Variants in TENM4 observed in about 807,000 individuals in gnomAD.
The protein encoded by TENM4 is teneurin-4.
A neutral mutation model predicts 243.3 loss-of-function variants in TENM4; 82 were observed. The ratio of observed to expected loss-of-function variants is 0.34; its 90% confidence interval spans 0.28 to 0.40. The LOEUF is 0.40. Ranked by LOEUF, TENM4 falls within the 10% of genes least tolerant of loss-of-function variation. TENM4 has a pLI of 1.00. For missense variants in TENM4, 3,138 were observed against 3,673.3 expected, an observed-to-expected ratio of 0.85 and a Z score of 3.77; for synonymous variants, 1,412 against 1,456.3, an observed-to-expected ratio of 0.97 and a Z score of 0.69.
At chr11:79,204,841 C>T (rs957225596) in intron 3 of TENM4, among the ~76,000 whole-genome samples, 1 of 152,138 alleles carries the variant, frequency 6.6e-6, no homozygotes, top group African/African-American at 2.4e-5. Context: ...ACAACCAAGT[C>T]CAGCAACAAG....
At chr11:78,857,353 A>C (rs1858704882) in intron 10 of TENM4, among the ~76,000 whole-genome samples, 4 of 152,222 alleles carry the variant, frequency 2.6e-5, no homozygotes. Context: ...TTTTGTAAAC[A>C]GCATTTGGGG....
intron 7 of TENM4, among the ~76,000 whole-genome samples, chr11:78,895,337 CAAA>C (rs35367511): frequency 1.8e-4 from 24 of 136,614 alleles, no homozygotes; most frequent in Admixed American, 2.1e-4. Flanking sequence ...ACTCCGTCTC[CAAA>C]AAAAAAAAAA....
chr11:78,692,323 G>A (rs974362973), intron 28 of TENM4, among the ~76,000 whole-genome samples: 3 of 152,084 alleles, frequency 2.0e-5, no homozygotes, highest in African/African-American at 4.8e-5. Context: ...TCTAGAGGAC[G>A]GGCACTTGGC....
chr11:79,425,300 A>G (rs1257295466), intron 1 of TENM4, among the ~76,000 whole-genome samples: 4 of 152,168 alleles, frequency 2.6e-5, no homozygotes, highest in Admixed American at 6.5e-5. Context: ...GCTTCTTAAT[A>G]GACTTGACAG....
intron 14 of TENM4, 22 bp from the exon 15 acceptor site, chr11:78,805,514 A>C (rs1266459301): frequency 6.4e-7 from 1 of 1,557,824 alleles, no homozygotes; most frequent in Non-Finnish European, 8.7e-7. Context: ...AGGAAGGAGA[A>C]CATAGGTAAG....
intron 2 of TENM4, among the ~76,000 whole-genome samples, chr11:79,254,816 C>A (rs181657704): frequency 6.6e-6 from 1 of 152,278 alleles, no homozygotes; most frequent in African/African-American, 2.4e-5. Flanking sequence ...GTGTCAATCA[C>A]CCCAGTGGGT....
intron 6 of TENM4, among the ~76,000 whole-genome samples, chr11:79,010,304 G>A (rs1352610206): frequency 1.3e-5 from 2 of 152,134 alleles, no homozygotes; most frequent in Non-Finnish European, 2.9e-5. Context: ...TGTTTGCGGG[G>A]AGAAGGGCTG....
chr11:79,318,758 A>G (rs756086804), intron 1 of TENM4, among the ~76,000 whole-genome samples: 1 of 152,226 alleles, frequency 6.6e-6, no homozygotes, highest in East Asian at 1.9e-4. Context: ...GAATTTATGC[A>G]ACTTAATTTT....
At chr11:79,048,390 A>C (rs1222551805) in intron 6 of TENM4, among the ~76,000 whole-genome samples, 1 of 152,122 alleles carries the variant, frequency 6.6e-6, no homozygotes, top group Non-Finnish European at 1.5e-5. Context: ...TGCCTTCTAC[A>C]TAAGATTTAT....
At chr11:79,424,089 C>T (rs1341057075) in intron 1 of TENM4, among the ~76,000 whole-genome samples, 2 of 152,212 alleles carry the variant, frequency 1.3e-5, no homozygotes, top group Non-Finnish European at 2.9e-5. Flanking sequence ...TTTAGTTTGT[C>T]TGCCAAAAGT....
intron 1 of TENM4, among the ~76,000 whole-genome samples, chr11:79,301,955 T>C (rs1419735021): frequency 6.6e-6 from 1 of 152,182 alleles, no homozygotes; most frequent in Non-Finnish European, 1.5e-5. Context: ...ACCTCTTTTC[T>C]TTATAAATTA....
At chr11:78,827,030 T>C (rs754519562) in intron 12 of TENM4, among the ~76,000 whole-genome samples, 14 of 152,226 alleles carry the variant, frequency 9.2e-5, no homozygotes, top group Non-Finnish European at 1.9e-4. Context: ...GTTGCCATAT[T>C]CACATACCAT....
chr11:79,181,817 T>G (rs1372853960), intron 3 of TENM4, among the ~76,000 whole-genome samples: 1 of 152,044 alleles, frequency 6.6e-6, no homozygotes, highest in Non-Finnish European at 1.5e-5. Flanking sequence ...ATGAACAAGT[T>G]GAATTTAAAA....
chr11:79,420,570 G>T (rs904160949), intron 1 of TENM4, among the ~76,000 whole-genome samples: 10 of 152,162 alleles, frequency 6.6e-5, no homozygotes, highest in African/African-American at 2.4e-4. Flanking sequence ...TGCCTCTCTT[G>T]GAGATTCGCA....
intron 1 of TENM4, among the ~76,000 whole-genome samples, chr11:79,327,741 G>A (rs1003531488): frequency 4.7e-5 from 7 of 149,660 alleles, no homozygotes; most frequent in Non-Finnish European, 7.4e-5. Flanking sequence ...ACATAGTGGC[G>A]AAAAGAAATC....
chr11:79,225,126 A>G lies in TENM4; in HGVS notation c.-264-9217T>C, dbSNP rs370535817. On this transcript the variant is annotated intron_variant, in intron 2 of 33. Coordinates refer to ENST00000278550, the MANE Select transcript of TENM4 (RefSeq NM_001098816.3). ...GGAGCACGGTCCTGCTGACACCTTGATCTCACACTTTAAGCTTCCAGAACT... is the reference window on the plus strand; with the variant it reads ...GGAGCACGGTCCTGCTGACACCTTGGTCTCACACTTTAAGCTTCCAGAACT... Among the ~76,000 whole-genome samples the G allele has an allele frequency of 4.7e-4, 71 of 152,290 alleles. 1 individual carries two copies. The East Asian group carries it at 4.8e-3, about 10-fold the overall frequency.
intron 6 of TENM4, among the ~76,000 whole-genome samples, chr11:78,991,467 C>T (rs1240650285): frequency 6.6e-6 from 1 of 152,194 alleles, no homozygotes; most frequent in Admixed American, 6.5e-5. Flanking sequence ...TTGTTGAATG[C>T]TTGTGCATAT....
At chr11:79,260,102 G>C (rs150385317) in intron 2 of TENM4, among the ~76,000 whole-genome samples, 1 of 152,326 alleles carries the variant, frequency 6.6e-6, no homozygotes, top group Non-Finnish European at 1.5e-5. Context: ...CTCAAACATA[G>C]TTGTACATCT....
chr11:78,805,277 T>TGGCCCCCCCCCCCCCCCCCCCC lies in TENM4; in HGVS notation c.2179+14_2179+15insGGGGGGGGGGGGGGGGGGGGCC. The TGGCCCCCCCCCCCCCCCCCCCC allele has an allele frequency of 1.4e-6, 2 of 1,402,550 alleles. No individual in the cohort carries two copies. Among genetic ancestry groups the TGGCCCCCCCCCCCCCCCCCCCC allele is most frequent in the Non-Finnish European group, 1.9e-6 (2 of 1,033,116 alleles). The allele number at this position is 1,402,550 out of a possible 1,614,324, so 86.9% of individuals were successfully genotyped here. Reference sequence around the variant, plus strand: ...CCCCTCCCTCTACCCATGCTTCTTCTCCCCCTGCATTTACCGATAGAACAG... The same window carrying TGGCCCCCCCCCCCCCCCCCCCC: ...CCCCTCCCTCTACCCATGCTTCTTCTGGCCCCCCCCCCCCCCCCCCCCCCCCCTGCATTTACCGATAGAACAG... On this transcript the variant is annotated intron_variant, in intron 15 of 33. Coordinates refer to ENST00000278550, the MANE Select transcript of TENM4 (RefSeq NM_001098816.3).
Sources: gnomAD v4.1 joint callset for allele counts (sites outside exome capture counted in the v4.1 genomes callset) on GRCh38, gnomAD v4.1.1 for gene constraint, MANE v1.5 for transcripts, NCBI Gene and HGNC (gene_info 2026-07-23, HGNC 2026-07-21) for gene names.